Variants in IFT140 observed in about 807,000 individuals in gnomAD.
IFT140 encodes the protein intraflagellar transport protein 140 homolog.
IFT140 carries 133 observed loss-of-function variants against 164.6 expected under a neutral mutation model. That is an observed-to-expected ratio of 0.81 (90% CI 0.70 to 0.93). The LOEUF (loss-of-function observed/expected upper bound fraction) is 0.93. Among genes scored for constraint, IFT140 ranks in the 40% least tolerant of loss-of-function variants. The pLI, the probability that IFT140 is intolerant of heterozygous loss-of-function variation, is 0.00. For synonymous variants in IFT140, 860 were observed against 817.3 expected (o/e 1.05, Z -0.89); for missense variants, 2,045 against 1,972.3 (o/e 1.04, Z -0.70).
rs772740041 is a variant in IFT140 at position 1,588,004 on chromosome 16, G to A, written c.831C>T (p.Thr277=). 8.1e-6 allele frequency: 13 copies of A among 1,613,592 alleles called. No individual in the cohort carries two copies. Among genetic ancestry groups the A allele is most frequent in the Admixed American group, 5.0e-5 (3 of 59,964 alleles). ...TCAAAGCGATGTCTGCCCGGCGGCC[G>A]GTTTTCCCGCTCAGCTTGACCTGTG... ...EVMKVKLSGK[T]GRRADIALIE... The change falls in exon 8 of 31, where the codon ACC becomes ACT. Residue 277 remains threonine, a synonymous_variant. Transcript: ENST00000426508.
rs118102263 is a variant in IFT140, at chr16:1,570,423, G to C, written c.1652+984C>G. Among the ~76,000 whole-genome samples the C allele has an allele frequency of 7.4e-3, 1,131 of 152,186 alleles. 5 individuals carry two copies. Among genetic ancestry groups the C allele is most frequent in the Non-Finnish European group, 0.011 (761 of 67,996 alleles). On this transcript the variant is annotated intron_variant, in intron 14 of 30. Transcript: ENST00000426508. Reference sequence around the variant, plus strand: ...AGGGCCTATTCTAGTCCCTCCACTTGCTAATCTGTAACTCCCACTCCCACT... The same window carrying C: ...AGGGCCTATTCTAGTCCCTCCACTTCCTAATCTGTAACTCCCACTCCCACT...
At chr16:1,598,269 T>G (rs2035563857) in intron 4 of IFT140, among the ~76,000 whole-genome samples, 1 of 152,114 alleles carries the variant, frequency 6.6e-6, no homozygotes, top group South Asian at 2.1e-4. Flanking sequence ...CCATCCTGGC[T>G]AACACAGTGA....
chr16:1,557,910 A>G (rs1413848204), intron 19 of IFT140, 25 bp downstream of exon 19: 5 of 1,608,350 alleles, frequency 3.1e-6, no homozygotes, highest in Non-Finnish European at 4.3e-6. Flanking sequence ...CTATCTCCCA[A>G]CATCCCAGTG....
chr16:1,518,432 T>G, intron 29 of IFT140, 75 bp from the exon 30 acceptor site: 1 of 1,452,730 alleles, frequency 6.9e-7, no homozygotes, highest in Non-Finnish European at 9.2e-7. Context: ...GAGGAGACTC[T>G]TGGCCTGTAA....
At chr16:1,566,524 C>T (rs190991489) in intron 15 of IFT140, among the ~76,000 whole-genome samples, 1 of 152,162 alleles carries the variant, frequency 6.6e-6, no homozygotes, top group African/African-American at 2.4e-5. Context: ...TGCAGTGGTG[C>T]GATCTTAGCT....
chr16:1,561,430 C>T (rs2042651779), intron 18 of IFT140, among the ~76,000 whole-genome samples: 1 of 152,192 alleles, frequency 6.6e-6, no homozygotes, highest in Non-Finnish European at 1.5e-5. Context: ...AAAAACACGT[C>T]CATGCATGAG....
chr16:1,546,565 C>T (rs2032190035), intron 19 of IFT140, among the ~76,000 whole-genome samples: 1 of 152,242 alleles, frequency 6.6e-6, no homozygotes, highest in South Asian at 2.1e-4. Flanking sequence ...AACATGCATG[C>T]TGAGAAGCTT....
At chr16:1,526,551 TC>T in intron 20 of IFT140, 67 bp downstream of exon 20, 1 of 1,405,018 alleles carries the variant, frequency 7.1e-7, no homozygotes, top group Non-Finnish European at 9.3e-7. Context: ...GCCTCCTCCT[TC>T]CCCAGGGGGC....
At chr16:1,583,612 T>C (rs2034698223) in intron 11 of IFT140, among the ~76,000 whole-genome samples, 2 of 151,648 alleles carry the variant, frequency 1.3e-5, no homozygotes, top group South Asian at 4.2e-4. Flanking sequence ...TTTTTTTTTT[T>C]CTTTTTTTTT....
intron 19 of IFT140, among the ~76,000 whole-genome samples, chr16:1,530,131 A>ATTTTTTTTTTT (rs2030295926): frequency 2.4e-5 from 3 of 126,540 alleles, no homozygotes; most frequent in African/African-American, 1.1e-4. Flanking sequence ...CACGACGGGA[A>ATTTTTTTTTTT]TCTTTTTTTT....
At chr16:1,587,610 G>T (rs1423374175) in intron 8 of IFT140, among the ~76,000 whole-genome samples, 1 of 152,228 alleles carries the variant, frequency 6.6e-6, no homozygotes, top group East Asian at 1.9e-4. Context: ...AACGCAGCAG[G>T]CAGCAGAGAC....
intron 19 of IFT140, among the ~76,000 whole-genome samples, chr16:1,536,972 C>G (rs2031137002): frequency 6.6e-6 from 1 of 152,250 alleles, no homozygotes; most frequent in Non-Finnish European, 1.5e-5. Flanking sequence ...CTAGGCAGGC[C>G]TGGGAGTCAG....
intron 2 of IFT140, 80 bp from the exon 3 acceptor site, chr16:1,607,377 G>A: frequency 7.9e-7 from 1 of 1,273,274 alleles, no homozygotes; most frequent in Non-Finnish European, 1.1e-6. Flanking sequence ...ATGACGAAAA[G>A]GAAGCATCCC....
chr16:1,554,333 T>C (rs915443657), intron 19 of IFT140, among the ~76,000 whole-genome samples: 2 of 152,212 alleles, frequency 1.3e-5, no homozygotes, highest in Non-Finnish European at 2.9e-5. Context: ...TTGAATGAAT[T>C]AAGCATTTAC....
At chr16:1,535,981 GC>G (rs2031025273) in intron 19 of IFT140, among the ~76,000 whole-genome samples, 1 of 152,256 alleles carries the variant, frequency 6.6e-6, no homozygotes, top group African/African-American at 2.4e-5. Context: ...AGGAGCCGCA[GC>G]CCCGTTACTG....
At chr16:1,593,956 C>G (rs1476455663) in intron 4 of IFT140, among the ~76,000 whole-genome samples, 1 of 152,220 alleles carries the variant, frequency 6.6e-6, no homozygotes, top group East Asian at 1.9e-4. Flanking sequence ...ACCCGGGCTT[C>G]TTCAGCATGG....
Position 1,520,152 on chromosome 16 carries a change from G to A in IFT140, c.3852C>T (p.Gly1284=). 6.2e-7 allele frequency: 1 copy of A among 1,614,140 alleles called. No homozygotes were observed. Among genetic ancestry groups the A allele is most frequent in the South Asian group, 1.1e-5 (1 of 91,086 alleles). The part of the protein sequence containing the change: ...TKGRALDLLA[G]FYDACAQVEI... ...GCACCTGGGCACAAGCGTCATAAAA[G>A]CCAGCCAGGAGGTCCAGGGCCCGCC... The change falls in exon 28 of 31, where the codon GGC becomes GGT. Residue 1284 remains glycine (G), a synonymous_variant. Coordinates refer to ENST00000426508, the MANE Select transcript of IFT140 (RefSeq NM_014714.4).
rs994927586 is a variant in IFT140, at chr16:1,553,220, G to A, written c.2399+4715C>T. ...TGTGTCTCTGTCTCTGTCTCTCTCT[G>A]TCTCCATCTGTCTCTGTGTCTGTCT... On this transcript the variant is annotated intron_variant, in intron 19 of 30. Coordinates refer to ENST00000426508, the MANE Select transcript of IFT140 (RefSeq NM_014714.4). The surrounding 1 kb of genome is among the most constrained non-coding windows in gnomAD (Gnocchi z 4.4). 2 of 977,240 alleles carry A rather than the reference G, an allele frequency of 2.0e-6. No individual in the cohort carries two copies. Among genetic ancestry groups the A allele is most frequent in the African/African-American group, 3.5e-5 (2 of 56,938 alleles). The allele number at this position is 977,240 out of a possible 1,614,324, so 60.5% of individuals were successfully genotyped here.
chr16:1,570,833 G>A (rs534891961), intron 14 of IFT140, among the ~76,000 whole-genome samples: 3 of 152,238 alleles, frequency 2.0e-5, no homozygotes, highest in East Asian at 1.9e-4. Context: ...ACAGCTCACC[G>A]CAACCTCGAT....
Sources: allele counts gnomAD v4.1 joint callset (sites outside exome capture counted in the v4.1 genomes callset), GRCh38; gene constraint gnomAD v4.1.1; non-coding constraint Gnocchi (gnomAD v3.1); transcripts MANE v1.5; gene names NCBI Gene and HGNC (gene_info 2026-07-23, HGNC 2026-07-21).